TES: variants seen among roughly 807,000 people sequenced by gnomAD.
TES encodes testin.
A neutral mutation model predicts 48.2 loss-of-function variants in TES; 41 were observed. The ratio of observed to expected loss-of-function variants is 0.85; its 90% CI spans 0.66 to 1.10. TES has a LOEUF of 1.10. TES is among the 50% of genes least tolerant of loss of function. The pLI, the probability that TES is intolerant of heterozygous loss-of-function variation, is 0.00. For missense variants in TES, 463 were observed against 515.1 expected (o/e 0.90, Z 0.98); for synonymous variants, 162 against 174.9 (o/e 0.93, Z 0.58).
intron 1 of TES, among the ~76,000 whole-genome samples, chr7:116,217,420 G>C (rs1416504823): frequency 2.0e-5 from 3 of 152,078 alleles, no homozygotes; most frequent in Non-Finnish European, 1.5e-5. Flanking sequence ...TTACAAAAGA[G>C]TCATTCTTGG....
intron 1 of TES, among the ~76,000 whole-genome samples, chr7:116,225,029 T>C (rs1176623204): frequency 6.6e-6 from 1 of 151,992 alleles, no homozygotes; most frequent in Non-Finnish European, 1.5e-5. Flanking sequence ...ATAATACTTT[T>C]CCAATAGGTT....
chr7:116,220,394 G>A (rs573651988), intron 1 of TES, among the ~76,000 whole-genome samples: 1 of 152,244 alleles, frequency 6.6e-6, no homozygotes, highest in South Asian at 2.1e-4. Flanking sequence ...TTCTCTAACA[G>A]TTAGGGAATT....
chr7:116,214,507 G>A (rs1297785514), intron 1 of TES, among the ~76,000 whole-genome samples: 1 of 152,160 alleles, frequency 6.6e-6, no homozygotes, highest in Non-Finnish European at 1.5e-5. Flanking sequence ...CTTTGCTTTA[G>A]AGGTGTTCTG....
Position 116,249,050 on chromosome 7 carries a change from A to G in TES, c.144A>G (p.Gln48=), listed in dbSNP as rs760549826. The G allele has an allele frequency of 3.1e-6, 5 of 1,609,320 alleles. No homozygotes were observed. Among genetic ancestry groups the G allele is most frequent in the Non-Finnish European group, 4.2e-6 (5 of 1,176,716 alleles). ...TATGTCGTAACTGCAAGTGTGGCCA[A>G]GAAGAGCATGATGTCCTCTTGAGCA... ...RKICRNCKCG[Q]EEHDVLLSNE... is the part of the protein sequence containing the mutation. Residue 48 remains glutamine, a synonymous_variant, in exon 3 of 7, where the codon CAA becomes CAG. Transcript: ENST00000358204.
chr7:116,245,886 C>T (rs1444914794), intron 2 of TES, among the ~76,000 whole-genome samples: 1 of 152,056 alleles, frequency 6.6e-6, no homozygotes, highest in African/African-American at 2.4e-5. Flanking sequence ...ATTGTGGCAG[C>T]AAGGAGAAGT....
chr7:116,230,825 G>A lies in TES; in HGVS notation c.28-3709G>A, dbSNP rs1668326334. 2.0e-5 allele frequency among the ~76,000 whole-genome samples: 3 copies of A among 152,188 alleles called. No individual in the cohort carries two copies. The South Asian group carries it at 6.2e-4, about 31-fold the overall frequency. On this transcript the variant is annotated intron_variant, in intron 1 of 6. Transcript: ENST00000358204. ...TTCTGCCACAGGCCTTGTGTATGGT[G>A]TTTCCTCTGCCCTGAATGCACTTCT...
intron 2 of TES, among the ~76,000 whole-genome samples, chr7:116,242,567 T>A (rs1263908354): frequency 1.3e-5 from 2 of 152,028 alleles, no homozygotes; most frequent in Non-Finnish European, 2.9e-5. Flanking sequence ...ACAAGTCAAA[T>A]CTAATATTTT....
intron 2 of TES, among the ~76,000 whole-genome samples, chr7:116,236,679 A>T (rs1799776625): frequency 6.6e-6 from 1 of 152,184 alleles, no homozygotes; most frequent in Non-Finnish European, 1.5e-5. Context: ...CCTAAGAGAT[A>T]TCATCTTTTC....
chr7:116,234,610 A>C lies in TES; in HGVS notation c.104A>C (p.His35Pro), dbSNP rs1230438418. Reference sequence around the variant, plus strand: ...GAAAAATGTGAAGGATTCGAACTGCACTTCTGGAGGTATTGTTTTGAAAAC... The same window carrying C: ...GAAAAATGTGAAGGATTCGAACTGCCCTTCTGGAGGTATTGTTTTGAAAAC... ...CKEKCEGFEL[H>P]FWRKICRNCK... The change falls in exon 2 of 7, where the codon CAC (histidine) becomes CCC (proline). Residue 35 changes from histidine (H) to proline (P), a missense_variant. His to Pro is a moderately conservative substitution (Grantham distance 77). Transcript: ENST00000358204. 4.3e-6 allele frequency: 7 copies of C among 1,613,714 alleles called. No individual in the cohort carries two copies. Among genetic ancestry groups the C allele is most frequent in the Non-Finnish European group, 5.9e-6 (7 of 1,179,700 alleles).
chr7:116,245,585 C>T (rs1418011876), intron 2 of TES, among the ~76,000 whole-genome samples: 1 of 152,186 alleles, frequency 6.6e-6, no homozygotes, highest in Non-Finnish European at 1.5e-5. Flanking sequence ...TCCAAACTTT[C>T]TCACATCAAC....
chr7:116,257,208 T>A, intron 6 of TES, 86 bp from the exon 7 acceptor site: 1 of 1,363,164 alleles, frequency 7.3e-7, no homozygotes, highest in Non-Finnish European at 9.9e-7. Flanking sequence ...TTTTAATTTA[T>A]CATCTAAAGA....
chr7:116,255,887 T>C (rs1261814817), intron 6 of TES, among the ~76,000 whole-genome samples: 1 of 152,194 alleles, frequency 6.6e-6, no homozygotes, highest in Admixed American at 6.5e-5. Context: ...TGTACAATTA[T>C]GTGTTGATCA....
At chr7:116,233,197 C>A (rs1338780289) in intron 1 of TES, among the ~76,000 whole-genome samples, 1 of 152,198 alleles carries the variant, frequency 6.6e-6, no homozygotes, top group Non-Finnish European at 1.5e-5. Context: ...ATTTAAAACA[C>A]AGAGTAATCT....
chr7:116,221,933 C>T (rs1032669720), intron 1 of TES, among the ~76,000 whole-genome samples: 1 of 152,082 alleles, frequency 6.6e-6, no homozygotes, highest in Non-Finnish European at 1.5e-5. Flanking sequence ...TGTCTGTGCA[C>T]CTTCTTTAGT....
At position 116,228,998 on chromosome 7, in the gene TES, C is replaced by CTATATA. The variant is rs58514364; in HGVS notation, c.28-5505_28-5500dup. Among the ~76,000 whole-genome samples, 46 of 110,136 alleles carry CTATATA rather than the reference C, an allele frequency of 4.2e-4. 1 individual carries two copies. Among genetic ancestry groups the CTATATA allele is most frequent in the Middle Eastern group, 4.5e-3 (1 of 224 alleles). The allele number at this position is 110,136 out of a possible 152,430, so 72.3% of individuals were successfully genotyped here. On this transcript the variant is annotated intron_variant, in intron 1 of 6. Coordinates refer to ENST00000358204, the MANE Select transcript of TES (RefSeq NM_015641.4). ...CCCGTTAGCTCTCTAGTATCTATAA[C>CTATATA]TATATATATATATATATATATATAT...
At chr7:116,256,662 G>A (rs3807981) in intron 6 of TES, among the ~76,000 whole-genome samples, 49,628 of 152,060 alleles carry the variant, frequency 0.33, 8,442 homozygotes, top group East Asian at 0.58. Flanking sequence ...AACACATACT[G>A]AATGGTACAG....
intron 2 of TES, among the ~76,000 whole-genome samples, chr7:116,241,630 A>G (rs1799849837): frequency 1.3e-5 from 2 of 152,256 alleles, no homozygotes; most frequent in Non-Finnish European, 2.9e-5. Flanking sequence ...ATAACAAATC[A>G]ATCATAGGTT....
At position 116,250,202 on chromosome 7, in the gene TES, A is replaced by G; in HGVS notation, c.408A>G (p.Pro136=). ...YMQMLPKEKQ[P]VAGSEGAQYR... is the part of the protein sequence containing the mutation. ...AGATGCTACCCAAGGAAAAGCAGCC[A>G]GTAGCAGGCTCAGAGGGGGCACAGT... Residue 136 remains proline (P), a synonymous_variant, in exon 4 of 7, where the codon CCA becomes CCG. Transcript: ENST00000358204. 1.9e-6 allele frequency: 3 copies of G among 1,570,562 alleles called. No homozygotes were observed. The highest frequency in any genetic ancestry group is 2.6e-6 in the Non-Finnish European group (3 of 1,162,494).
At position 116,218,668 on chromosome 7, in the gene TES, G is replaced by A. The variant is rs977764372; in HGVS notation, c.27+7934G>A. ...TCCATATCTATCAGTATCACCTCTT[G>A]AGCAAAATACCGATGTCACCTTTGA... is the stretch of plus-strand genomic sequence containing the variant. On this transcript the variant is annotated intron_variant, in intron 1 of 6. Coordinates refer to ENST00000358204, the MANE Select transcript of TES (RefSeq NM_015641.4). 2.7e-5 allele frequency among the ~76,000 whole-genome samples: 4 copies of A among 149,706 alleles called. No individual in the cohort carries two copies. In the Admixed American group the frequency reaches 2.7e-4, roughly 10 times the overall value.
Sources: allele counts gnomAD v4.1 joint callset (sites outside exome capture counted in the v4.1 genomes callset), GRCh38; gene constraint gnomAD v4.1.1; transcripts MANE v1.5; gene names NCBI Gene and HGNC (gene_info 2026-07-23, HGNC 2026-07-21).